G2E3: variants seen among roughly 807,000 people sequenced by gnomAD.
G2E3 encodes the protein G2/M phase-specific E3 ubiquitin-protein ligase.
Under a neutral mutation model 92.8 loss-of-function variants are expected in G2E3, and 35 were observed. The ratio of observed to expected loss-of-function variants is 0.38; its 90% CI spans 0.29 to 0.50. The LOEUF (loss-of-function observed/expected upper bound fraction) is 0.50. G2E3 is among the 20% of genes least tolerant of loss of function. The probability of loss-of-function intolerance (pLI) is 0.94; values close to 1 mark genes in which losing one functional copy is unlikely to be tolerated. For missense variants in G2E3, 554 were observed against 823.8 expected, an observed-to-expected ratio of 0.67 and a Z score of 4.01; for synonymous variants, 242 against 272.4, an observed-to-expected ratio of 0.89 and a Z score of 1.10.
At chr14:30,597,603 A>T in intron 7 of G2E3, 77 bp downstream of exon 7, 2 of 837,246 alleles carry the variant, frequency 2.4e-6, no homozygotes, top group Non-Finnish European at 4.1e-6. Flanking sequence ...ATGATCACTT[A>T]TGTCTGATTC....
chr14:30,604,582 ATGCTGCTGCTGC>A (rs148435440), intron 10 of G2E3, among the ~76,000 whole-genome samples: 1 of 151,562 alleles, frequency 6.6e-6, no homozygotes, highest in South Asian at 2.1e-4. Context: ...TTCTGGGGTA[ATGCTGCTGCTGC>A]TGCTGCTGCT....
intron 6 of G2E3, among the ~76,000 whole-genome samples, chr14:30,596,108 A>T: frequency 2.5e-5 from 1 of 39,998 alleles, no homozygotes; most frequent in South Asian, 9.8e-4. Flanking sequence ...TCCCTCCCTT[A>T]TATGGGTGGG....
At chr14:30,565,130 CACTT>C (rs1182229220) in intron 1 of G2E3, among the ~76,000 whole-genome samples, 1 of 152,210 alleles carries the variant, frequency 6.6e-6, no homozygotes, top group African/African-American at 2.4e-5. Context: ...TCATCATTAA[CACTT>C]ACTATTTTAG....
chr14:30,601,854 T>C lies in G2E3; in HGVS notation c.837T>C (p.Asn279=), dbSNP rs767750831. The C allele has an allele frequency of 1.8e-5, 29 of 1,613,724 alleles. No individual in the cohort carries two copies. Among genetic ancestry groups the C allele is most frequent in the Non-Finnish European group, 2.2e-5 (26 of 1,179,786 alleles). Residue 279 remains asparagine (N), a synonymous_variant, in exon 9 of 15, where the codon AAT becomes AAC. Coordinates refer to ENST00000206595, the MANE Select transcript of G2E3 (RefSeq NM_017769.5). ...ACSSLRSWEQ[N]WECLECRGII... is the part of the protein sequence containing the mutation. ...CCTCATTACGGTCATGGGAGCAAAATTGGGAGTGTTTGGAATGTAGGGGTA... is the reference window on the plus strand; with the variant it reads ...CCTCATTACGGTCATGGGAGCAAAACTGGGAGTGTTTGGAATGTAGGGGTA...
chr14:30,570,525 A>T lies in G2E3; in HGVS notation c.-4-10551A>T, dbSNP rs77956026. ...GTCTCTTGGGCTCTGTTTATTTTTCATTTTTTTTCTTTCTGCTCTTCAGAC... is the reference window on the plus strand; with the variant it reads ...GTCTCTTGGGCTCTGTTTATTTTTCTTTTTTTTTCTTTCTGCTCTTCAGAC... On this transcript the variant is annotated intron_variant, in intron 1 of 14. Coordinates refer to ENST00000206595, the MANE Select transcript of G2E3 (RefSeq NM_017769.5). Among the ~76,000 whole-genome samples the T allele has an allele frequency of 3.3e-5, 5 of 151,174 alleles. No homozygotes were observed. In the East Asian group the frequency reaches 9.7e-4, roughly 29 times the overall value.
At chr14:30,579,035 A>G (rs144225090) in intron 1 of G2E3, among the ~76,000 whole-genome samples, 144 of 152,314 alleles carry the variant, frequency 9.5e-4, no homozygotes, top group African/African-American at 3.1e-3. Flanking sequence ...ATGATGTTCT[A>G]TAGATTGTGA....
chr14:30,580,196 G>GT (rs1241577578), intron 1 of G2E3, among the ~76,000 whole-genome samples: 7 of 151,870 alleles, frequency 4.6e-5, no homozygotes, highest in African/African-American at 1.7e-4. Flanking sequence ...ATAAAGGATT[G>GT]TTTTTGTTTT....
At chr14:30,599,655 G>A (rs1298920787) in intron 8 of G2E3, among the ~76,000 whole-genome samples, 2 of 152,194 alleles carry the variant, frequency 1.3e-5, no homozygotes, top group East Asian at 3.9e-4. Flanking sequence ...ATTTTAATAC[G>A]ACTTAAAGAA....
chr14:30,560,165 A>C (rs972531788), intron 1 of G2E3: 3 of 151,500 alleles, frequency 2.0e-5, no homozygotes, highest in African/African-American at 7.3e-5. Flanking sequence ...AACTCTGTCT[A>C]ACCCAGTAGT....
intron 2 of G2E3, among the ~76,000 whole-genome samples, chr14:30,584,014 C>T (rs988241890): frequency 1.3e-5 from 2 of 152,142 alleles, no homozygotes; most frequent in African/African-American, 4.8e-5. Context: ...TAAGTAGTCA[C>T]CCCTCATTTT....
At chr14:30,570,919 C>T (rs1238318139) in intron 1 of G2E3, among the ~76,000 whole-genome samples, 2 of 152,120 alleles carry the variant, frequency 1.3e-5, no homozygotes, top group African/African-American at 4.8e-5. Flanking sequence ...CTTTCTCAGT[C>T]TGAGGCTTGT....
chr14:30,592,391 T>C lies in G2E3; in HGVS notation c.306T>C (p.Tyr102=), dbSNP rs141718619. 93 of 1,607,616 alleles carry C rather than the reference T, an allele frequency of 5.8e-5. No homozygotes were observed. The African/African-American group carries it at 1.2e-3, about 21-fold the overall frequency. ...GCVAPRCKRS[Y]HFPCGLQREC... is the part of the protein sequence containing the mutation. ...TTGCACCCCGATGTAAACGAAGTTA[T>C]CATTTCCCATGTGGACTTCAGAGAG... Residue 102 remains tyrosine (Y), a synonymous_variant, in exon 5 of 15, where the codon TAT becomes TAC. Transcript: ENST00000206595.
chr14:30,602,440 A>G (rs908127219), intron 10 of G2E3, among the ~76,000 whole-genome samples: 1 of 152,074 alleles, frequency 6.6e-6, no homozygotes, highest in Non-Finnish European at 1.5e-5. Context: ...GTAATGATGT[A>G]AAATATATTT....
At chr14:30,603,595 A>C (rs1327865266) in intron 10 of G2E3, among the ~76,000 whole-genome samples, 1 of 152,182 alleles carries the variant, frequency 6.6e-6, no homozygotes. Flanking sequence ...TAATCCCAAC[A>C]GTTTGGGAGG....
At position 30,565,951 on chromosome 14, in the gene G2E3, C is replaced by T. The variant is rs1352854327; in HGVS notation, c.-5+6679C>T. ...GCTGGATTACAGACGTGAGCCACCA[C>T]ACCTGGCCAACTTCATTCTTATTTA... On this transcript the variant is annotated intron_variant, in intron 1 of 14. Transcript: ENST00000206595. 2.0e-5 allele frequency among the ~76,000 whole-genome samples: 3 copies of T among 152,134 alleles called. No individual in the cohort carries two copies. The East Asian group carries it at 5.8e-4, about 29-fold the overall frequency.
At position 30,592,337 on chromosome 14, in the gene G2E3, C is replaced by T. The variant is rs1881056997; in HGVS notation, c.252C>T (p.Cys84=). Reference sequence around the variant, plus strand: ...TACTCTTCTAGAAATGCTGTGTTTGCAAGAAAAATGGTGCTTCAATTGGAT... The same window carrying T: ...TACTCTTCTAGAAATGCTGTGTTTGTAAGAAAAATGGTGCTTCAATTGGAT... The part of the protein sequence containing the change: ...NRASKLKCCV[C]KKNGASIGCV... Residue 84 remains cysteine, a synonymous_variant, in exon 5 of 15, where the codon TGC becomes TGT. Coordinates refer to ENST00000206595, the MANE Select transcript of G2E3 (RefSeq NM_017769.5). 1 of 1,612,212 alleles carries T rather than the reference C, an allele frequency of 6.2e-7. No homozygotes were observed. Among genetic ancestry groups the T allele is most frequent in the Non-Finnish European group, 8.5e-7 (1 of 1,178,812 alleles).
At chr14:30,577,427 C>G (rs747679102) in intron 1 of G2E3, among the ~76,000 whole-genome samples, 4 of 152,016 alleles carry the variant, frequency 2.6e-5, no homozygotes, top group Admixed American at 6.6e-5. Context: ...TTCTGTTGAT[C>G]AGGGATTTGG....
At chr14:30,593,445 GA>G in intron 5 of G2E3, 28 bp from the exon 6 acceptor site, 1 of 1,225,480 alleles carries the variant, frequency 8.2e-7, no homozygotes, top group Non-Finnish European at 1.2e-6. Context: ...CAGTTCATGA[GA>G]TTTTTTTAAA....
intron 1 of G2E3, among the ~76,000 whole-genome samples, chr14:30,575,378 A>T (rs1237985278): frequency 6.6e-6 from 1 of 152,178 alleles, no homozygotes; most frequent in African/African-American, 2.4e-5. Context: ...AACATACCTC[A>T]AAATAATAAG....
Sources: gnomAD v4.1 joint callset for allele counts (sites outside exome capture counted in the v4.1 genomes callset) on GRCh38, gnomAD v4.1.1 for gene constraint, MANE v1.5 for transcripts, NCBI Gene and HGNC (gene_info 2026-07-23, HGNC 2026-07-21) for gene names.